The following GFRA1 variants were observed in gnomAD, a reference collection of about 807,000 sequenced individuals.
GFRA1 encodes GDNF family receptor alpha 1.
In GFRA1, 16 loss-of-function variants were observed where a neutral mutation model predicts 51.6. The observed-to-expected ratio is 0.31, with a 90% CI of 0.21 to 0.47. The LOEUF (loss-of-function observed/expected upper bound fraction) is 0.47, where lower values mean the gene tolerates loss of function less well. Ranked by LOEUF, GFRA1 falls within the 20% of genes least tolerant of loss-of-function variation. The probability of loss-of-function intolerance (pLI) is 1.00; values close to 1 mark genes in which losing one functional copy is unlikely to be tolerated. For synonymous variants in GFRA1, 270 were observed against 241.3 expected (o/e 1.12, Z -1.10); for missense variants, 530 against 594.3 (o/e 0.89, Z 1.13).
At chr10:116,069,069 C>T (rs1483007531) in intron 9 of GFRA1, among the ~76,000 whole-genome samples, 2 of 152,124 alleles carry the variant, frequency 1.3e-5, no homozygotes, top group Non-Finnish European at 2.9e-5. Context: ...CTTCAGTGAG[C>T]CTCACAGCCC....
intron 5 of GFRA1, among the ~76,000 whole-genome samples, chr10:116,135,620 T>C (rs1958290312): frequency 6.6e-6 from 1 of 152,186 alleles, no homozygotes; most frequent in Non-Finnish European, 1.5e-5. Flanking sequence ...AGAGGCACAA[T>C]TATAATATTA....
chr10:116,271,322 G>A (rs973531989), intron 2 of GFRA1, among the ~76,000 whole-genome samples: 4 of 152,048 alleles, frequency 2.6e-5, no homozygotes, highest in African/African-American at 9.7e-5. Flanking sequence ...TCCCGGGCCC[G>A]CAAGGAAGAG....
intron 5 of GFRA1, among the ~76,000 whole-genome samples, chr10:116,171,528 T>C (rs1446720678): frequency 6.6e-6 from 1 of 152,200 alleles, no homozygotes; most frequent in Non-Finnish European, 1.5e-5. Flanking sequence ...ATGCCTAGAC[T>C]GATTTGGCAA....
At chr10:116,159,009 G>C (rs149262204) in intron 5 of GFRA1, among the ~76,000 whole-genome samples, 3 of 152,186 alleles carry the variant, frequency 2.0e-5, no homozygotes, top group African/African-American at 7.2e-5. Flanking sequence ...TGAAGGAAAC[G>C]GTGCTTTACC....
chr10:116,160,471 T>C (rs1054524825), intron 5 of GFRA1, among the ~76,000 whole-genome samples: 12 of 152,212 alleles, frequency 7.9e-5, no homozygotes, highest in Non-Finnish European at 1.5e-4. Context: ...TCTCTGTGTA[T>C]TCACGTCCTT....
At chr10:116,126,305 A>C (rs61424534) in intron 5 of GFRA1, among the ~76,000 whole-genome samples, 34,865 of 152,248 alleles carry the variant, frequency 0.23, 4,030 homozygotes, top group Middle Eastern at 0.26. Flanking sequence ...CTCACAGAGC[A>C]TATGCTGCCT....
chr10:116,178,327 C>T (rs1291582583), intron 5 of GFRA1, among the ~76,000 whole-genome samples: 2 of 151,242 alleles, frequency 1.3e-5, no homozygotes, highest in East Asian at 3.9e-4. Flanking sequence ...CCCTCAAACT[C>T]CTACAGTACG....
chr10:116,207,768 T>A (rs1404675589), intron 5 of GFRA1, among the ~76,000 whole-genome samples: 1 of 152,082 alleles, frequency 6.6e-6, no homozygotes, highest in Non-Finnish European at 1.5e-5. Flanking sequence ...ACAGCAGATG[T>A]AAGTCATGGG....
chr10:116,065,434 C>T (rs539769176), intron 10 of GFRA1, 139 bp downstream of exon 10: 40 of 712,724 alleles, frequency 5.6e-5, no homozygotes, highest in Admixed American at 4.7e-4. Flanking sequence ...AAAGGGCAGA[C>T]GGTCATGGAG....
At chr10:116,141,489 C>T (rs1046788732) in intron 5 of GFRA1, among the ~76,000 whole-genome samples, 38 of 148,588 alleles carry the variant, frequency 2.6e-4, no homozygotes, top group Admixed American at 2.5e-3. Flanking sequence ...TGCCTCCTGG[C>T]AATGAGTAAC....
chr10:116,269,649 T>A, intron 3 of GFRA1, 63 bp from the exon 4 acceptor site: 1 of 950,906 alleles, frequency 1.1e-6, no homozygotes, highest in Admixed American at 1.7e-5. Context: ...AGGTTTTTGC[T>A]GCTGAATCTG....
intron 4 of GFRA1, among the ~76,000 whole-genome samples, chr10:116,263,790 A>G (rs993171849): frequency 6.6e-6 from 1 of 152,204 alleles, no homozygotes; most frequent in Admixed American, 6.5e-5. Flanking sequence ...CAAGTGAGAG[A>G]TAAGACAGTT....
intron 5 of GFRA1, among the ~76,000 whole-genome samples, chr10:116,176,003 C>A (rs899159328): frequency 6.6e-6 from 1 of 152,088 alleles, no homozygotes; most frequent in African/African-American, 2.4e-5. Flanking sequence ...CTGATGCAGG[C>A]TGATCGTTTC....
intron 9 of GFRA1, among the ~76,000 whole-genome samples, chr10:116,068,198 G>A (rs1955205060): frequency 6.6e-6 from 1 of 152,180 alleles, no homozygotes; most frequent in African/African-American, 2.4e-5. Flanking sequence ...CACTCCAGAG[G>A]CTTAGCAGTC....
At chr10:116,155,955 AAAG>A in intron 5 of GFRA1, among the ~76,000 whole-genome samples, 1 of 152,226 alleles carries the variant, frequency 6.6e-6, no homozygotes, top group Non-Finnish European at 1.5e-5. Context: ...GCTAGAAAAC[AAAG>A]AAGGCCACGA....
At chr10:116,110,354 G>A (rs574984252) in intron 6 of GFRA1, among the ~76,000 whole-genome samples, 245 of 152,258 alleles carry the variant, frequency 1.6e-3, no homozygotes, top group African/African-American at 5.7e-3. Flanking sequence ...TTTACATGCA[G>A]GGAGACTGAG....
rs111603133 is a variant in GFRA1 at position 116,252,758 on chromosome 10, G to A, written c.418+16745C>T. Among the ~76,000 whole-genome samples, 855 of 152,238 alleles carry A rather than the reference G, an allele frequency of 5.6e-3. 2 individuals are homozygous for A. The highest frequency in any genetic ancestry group is 9.0e-3 in the Non-Finnish European group (614 of 68,020). ...AGAACTTCTATCACTGTGACTGGGG[G>A]ATAGGCTTCAACATGCTGTCTCATA... On this transcript the variant is annotated intron_variant, in intron 4 of 10. Coordinates refer to ENST00000355422, the MANE Select transcript of GFRA1 (RefSeq NM_005264.8).
Position 116,123,103 on chromosome 10 carries a change from T to C in GFRA1, c.770+2118A>G, listed in dbSNP as rs1398257038. ...CCCGAGCAAAGCTCCCTACAGCTTCTTGGCTGCATTCATTTTATTCATCTT... is the reference window on the plus strand; with the variant it reads ...CCCGAGCAAAGCTCCCTACAGCTTCCTGGCTGCATTCATTTTATTCATCTT... On this transcript the variant is annotated intron_variant, in intron 6 of 10. Coordinates refer to ENST00000355422, the MANE Select transcript of GFRA1 (RefSeq NM_005264.8). Among the ~76,000 whole-genome samples the C allele has an allele frequency of 3.3e-5, 5 of 152,360 alleles. No individual in the cohort carries two copies. In the East Asian group the frequency reaches 9.6e-4, roughly 29 times the overall value.
intron 9 of GFRA1, among the ~76,000 whole-genome samples, chr10:116,086,262 C>A (rs1387303329): frequency 1.3e-5 from 2 of 152,164 alleles, no homozygotes; most frequent in African/African-American, 2.4e-5. Context: ...AGCACACACC[C>A]AACACCCCAC....
Sources: allele counts gnomAD v4.1 joint callset (sites outside exome capture counted in the v4.1 genomes callset), GRCh38; gene constraint gnomAD v4.1.1; transcripts MANE v1.5; gene names NCBI Gene and HGNC (gene_info 2026-07-23, HGNC 2026-07-21).